Variants in SLC17A1 observed in about 807,000 individuals in gnomAD.
The protein encoded by SLC17A1 is sodium-dependent phosphate transport protein 1.
A neutral mutation model predicts 53.5 loss-of-function variants in SLC17A1; 51 were observed. The ratio of observed to expected loss-of-function variants is 0.95; its 90% CI spans 0.76 to 1.20. The LOEUF is 1.20. SLC17A1 is among the 50% of genes most tolerant of loss of function. The pLI is 0.00. For missense variants in SLC17A1, 538 were observed against 568.2 expected, an observed-to-expected ratio of 0.95 and a Z score of 0.54; for synonymous variants, 179 against 198.8, an observed-to-expected ratio of 0.90 and a Z score of 0.84.
chr6:25,829,295 T>C (rs1764864133), intron 2 of SLC17A1, among the ~76,000 whole-genome samples: 1 of 152,160 alleles, frequency 6.6e-6, no homozygotes, highest in African/African-American at 2.4e-5. Context: ...CAATGGAGGA[T>C]GAACACATTG....
chr6:25,816,592 G>A (rs998050144), intron 6 of SLC17A1, among the ~76,000 whole-genome samples: 11 of 152,236 alleles, frequency 7.2e-5, no homozygotes, highest in African/African-American at 2.2e-4. Context: ...TCAGGGCAGC[G>A]GTGACAGAAG....
chr6:25,724,505 A>G, the SLC17A1 span, among the ~76,000 whole-genome samples: 14 of 152,250 alleles, frequency 9.2e-5, no homozygotes, highest in Non-Finnish European at 1.8e-4. Flanking sequence ...ATGTATTCAC[A>G]ATTTTTTAAT....
At chr6:25,824,102 T>C (rs942639866) in intron 3 of SLC17A1, among the ~76,000 whole-genome samples, 2 of 151,986 alleles carry the variant, frequency 1.3e-5, no homozygotes, top group Admixed American at 6.6e-5. Context: ...AAATGAATCA[T>C]AGATTTAACA....
chr6:25,811,519 C>T lies in SLC17A1; in HGVS notation c.1057G>A (p.Val353Ile). 1.2e-6 allele frequency: 2 copies of T among 1,613,908 alleles called. No homozygotes were observed. Among genetic ancestry groups the T allele is most frequent in the South Asian group, 2.2e-5 (2 of 91,072 alleles). Reference protein sequence around the residue: ...AGFLLPAIFGVCLPYLSSTFY... With the variant: ...AGFLLPAIFGICLPYLSSTFY... ...GTGGAACTCAGGTAAGGCAGGCAGA[C>T]ACCAAAGATTGCAGGAAGGAGAAAT... Residue 353 changes from valine (V) to isoleucine (I), a missense_variant, in exon 10 of 13, where the codon GTC (valine) becomes ATC (isoleucine). By Grantham distance (29) the Val-to-Ile change is conservative. Transcript: ENST00000244527.
At chr6:25,807,188 A>G (rs958610591) in intron 10 of SLC17A1, among the ~76,000 whole-genome samples, 1 of 152,078 alleles carries the variant, frequency 6.6e-6, no homozygotes, top group Non-Finnish European at 1.5e-5. Flanking sequence ...TATCTACCCA[A>G]AGGAAAATAA....
At chr6:25,756,624 A>G in the SLC17A1 span, among the ~76,000 whole-genome samples, 1 of 152,248 alleles carries the variant, frequency 6.6e-6, no homozygotes, top group Non-Finnish European at 1.5e-5. Flanking sequence ...CACTGCTCTC[A>G]TTAACGCCAG....
intron 12 of SLC17A1, 91 bp downstream of exon 12, chr6:25,798,692 T>C (rs1188431082): frequency 8.1e-7 from 1 of 1,230,114 alleles, no homozygotes; most frequent in Non-Finnish European, 1.1e-6. Flanking sequence ...CCTGCACCCG[T>C]TATTCCTTCT....
intron 6 of SLC17A1, among the ~76,000 whole-genome samples, chr6:25,816,392 T>C (rs549091991): frequency 4.3e-4 from 66 of 152,368 alleles, no homozygotes; most frequent in Non-Finnish European, 6.8e-4. Context: ...GCTGGTCTTT[T>C]CCAATATAAC....
At chr6:25,769,694 T>C in the SLC17A1 span, among the ~76,000 whole-genome samples, 1 of 152,108 alleles carries the variant, frequency 6.6e-6, no homozygotes, top group South Asian at 2.1e-4. Context: ...ATTTTACCAT[T>C]TAGTGGACAT....
the SLC17A1 span, chr6:25,761,987 G>A: frequency 6.2e-7 from 1 of 1,613,338 alleles, no homozygotes; most frequent in Non-Finnish European, 8.5e-7. Context: ...AGATGTCAAG[G>A]CTACAGTGGG....
chr6:25,790,592 T>C (rs1763480334), intron 12 of SLC17A1, among the ~76,000 whole-genome samples: 1 of 152,130 alleles, frequency 6.6e-6, no homozygotes. Context: ...ATTTTATTAA[T>C]AAATCACAAC....
chr6:25,814,990 AACACAC>A (rs56723023), intron 6 of SLC17A1, among the ~76,000 whole-genome samples: 195 of 51,586 alleles, frequency 3.8e-3, no homozygotes, highest in South Asian at 0.029. Context: ...CTGTCACACA[AACACAC>A]ACACACACAC....
chr6:25,814,399 T>C (rs938487049), intron 6 of SLC17A1, among the ~76,000 whole-genome samples: 2 of 152,220 alleles, frequency 1.3e-5, no homozygotes, highest in African/African-American at 2.4e-5. Flanking sequence ...TACTGTTTAT[T>C]ATCTCTTTTT....
downstream of SLC17A1, chr6:25,779,024 C>T (rs755495598): frequency 3.1e-6 from 5 of 1,611,846 alleles, no homozygotes; most frequent in South Asian, 1.1e-5. Flanking sequence ...ATTGGGTGAC[C>T]GTTAATAACT....
chr6:25,732,740 G>A, the SLC17A1 span: 1 of 1,177,428 alleles, frequency 8.5e-7, no homozygotes, highest in Non-Finnish European at 1.2e-6. Flanking sequence ...AGTGACAATG[G>A]CTTAGGGTGA....
chr6:25,829,277 A>G (rs1764863295), intron 2 of SLC17A1, among the ~76,000 whole-genome samples: 1 of 152,168 alleles, frequency 6.6e-6, no homozygotes, highest in Admixed American at 6.6e-5. Flanking sequence ...TCAAAGATTT[A>G]CATGGTTCAA....
intron 10 of SLC17A1, 109 bp from the exon 11 acceptor site, chr6:25,801,089 C>T: frequency 1.5e-6 from 1 of 686,914 alleles, no homozygotes; most frequent in Non-Finnish European, 2.6e-6. Context: ...TTGCAAGTTC[C>T]TGCTTCTCAA....
the SLC17A1 span, among the ~76,000 whole-genome samples, chr6:25,772,338 C>T: frequency 1.3e-5 from 2 of 152,132 alleles, no homozygotes; most frequent in Non-Finnish European, 2.9e-5. Flanking sequence ...TCTATCCCTC[C>T]GCACTTGATT....
chr6:25,727,139 C>T, the SLC17A1 span: 73 of 1,614,036 alleles, frequency 4.5e-5, no homozygotes, highest in South Asian at 1.4e-4. Context: ...GTATAGCGAG[C>T]GAGGCATCAC....
Sources: allele counts gnomAD v4.1 joint callset (sites outside exome capture counted in the v4.1 genomes callset), GRCh38; gene constraint gnomAD v4.1.1; transcripts MANE v1.5; gene names NCBI Gene and HGNC (gene_info 2026-07-23, HGNC 2026-07-21).